AP1G1: variants seen among roughly 807,000 people sequenced by gnomAD.
The protein encoded by AP1G1 is AP-1 complex subunit gamma-1.
A neutral mutation model predicts 108.3 loss-of-function variants in AP1G1; 7 were observed. The observed-to-expected ratio is 0.06, with a 90% CI of 0.04 to 0.12. The LOEUF is 0.12. Among genes scored for constraint, AP1G1 ranks in the 10% least tolerant of loss-of-function variants. The pLI is 1.00. For synonymous variants in AP1G1, 379 were observed against 353.5 expected, an observed-to-expected ratio of 1.07 and a Z score of -0.81; for missense variants, 756 against 1,010.7, an observed-to-expected ratio of 0.75 and a Z score of 3.42.
chr16:71,767,047 C>T (rs1476335589), intron 6 of AP1G1, among the ~76,000 whole-genome samples: 1 of 152,160 alleles, frequency 6.6e-6, no homozygotes, highest in Non-Finnish European at 1.5e-5. Context: ...TTACATACTT[C>T]CCAATGGTCT....
chr16:71,780,080 G>A (rs1055565888), intron 2 of AP1G1, among the ~76,000 whole-genome samples: 2 of 144,448 alleles, frequency 1.4e-5, no homozygotes, highest in South Asian at 2.2e-4. Context: ...TGCAACCTCT[G>A]CCTCCTGGGT....
chr16:71,792,079 C>T (rs2032423338), intron 1 of AP1G1, among the ~76,000 whole-genome samples: 1 of 151,980 alleles, frequency 6.6e-6, no homozygotes, highest in Non-Finnish European at 1.5e-5. Context: ...AACTCTTATA[C>T]AAGGGATGGC....
In AP1G1 at chr16:71,739,024, C is replaced by T. The variant is rs775506298; in HGVS notation, c.2186G>A (p.Ser729Asn). 9 of 1,614,030 alleles carry T rather than the reference C, an allele frequency of 5.6e-6. No individual in the cohort carries two copies. The highest frequency in any genetic ancestry group is 2.2e-5 in the East Asian group (1 of 44,896). Reference sequence around the variant, plus strand: ...GGCCTGTATCGTTATCACTGTTACACTGGGGTTGGTATTTGACCGTTCAAA... The same window carrying T: ...GGCCTGTATCGTTATCACTGTTACATTGGGGTTGGTATTTGACCGTTCAAA... ...FTFERSNTNP[S>N]VTVITIQASN... Residue 729 changes from serine (S) to asparagine (N), a missense_variant, in exon 21 of 23, where the codon AGT (serine) becomes AAT (asparagine). By Grantham distance (46) the Ser-to-Asn change is conservative (BLOSUM62 1). Around this residue, in one of 3 missense-constraint regions of AP1G1, gnomAD observed 95 missense variants for 160.5 expected, o/e 0.59. Transcript: ENST00000299980.
At chr16:71,735,699 ATACTGTACTACG>A (rs2045526599) in intron 21 of AP1G1, among the ~76,000 whole-genome samples, 1 of 152,078 alleles carries the variant, frequency 6.6e-6, no homozygotes, top group Non-Finnish European at 1.5e-5. Flanking sequence ...TAGGTAAACC[ATACTGTACTACG>A]TAGCTATTGT....
intron 2 of AP1G1, among the ~76,000 whole-genome samples, chr16:71,779,076 A>C (rs1417842976): frequency 6.6e-6 from 1 of 152,184 alleles, no homozygotes; most frequent in Non-Finnish European, 1.5e-5. Flanking sequence ...AATTAATGGA[A>C]AACTTTTACT....
Position 71,732,818 on chromosome 16 carries a change from G to A in AP1G1, c.*240C>T. 2.4e-6 allele frequency: 1 copy of A among 414,982 alleles called. No individual in the cohort carries two copies. Among genetic ancestry groups the A allele is most frequent in the Non-Finnish European group, 4.3e-6 (1 of 231,474 alleles). 25.7% of individuals were successfully genotyped at this position (414,982 alleles called of 1,614,324 possible). On this transcript the variant is annotated 3_prime_UTR_variant, in exon 23 of 23. Transcript: ENST00000299980. ...GGAGGGGTGGAGAAGTGCGGAAAAA[G>A]GAGAAGAGGAAGAGTGCAAAGTAGC...
intron 8 of AP1G1, 70 bp downstream of exon 8, chr16:71,764,576 T>A: frequency 7.4e-7 from 1 of 1,342,882 alleles, no homozygotes. Context: ...AACTGCTCCA[T>A]ATAACCATAA....
At chr16:71,743,301 A>G (rs1290545252) in intron 19 of AP1G1, 1 of 118,204 alleles carries the variant, frequency 8.5e-6, no homozygotes, top group Non-Finnish European at 1.9e-5. Context: ...CTGTATTAGG[A>G]AAAAAAAAAA....
intron 3 of AP1G1, among the ~76,000 whole-genome samples, chr16:71,773,575 T>G (rs1382672308): frequency 6.6e-6 from 1 of 152,136 alleles, no homozygotes; most frequent in African/African-American, 2.4e-5. Flanking sequence ...AGCCAATGTT[T>G]CCAGGTACCA....
At chr16:71,766,290 T>C (rs983835678) in intron 6 of AP1G1, 2 of 227,510 alleles carry the variant, frequency 8.8e-6, no homozygotes, top group Non-Finnish European at 1.9e-5. Flanking sequence ...CTTTATGGCC[T>C]GTTTTCTTGT....
At chr16:71,756,254 A>G in intron 11 of AP1G1, 95 bp from the exon 12 acceptor site, 1 of 1,152,262 alleles carries the variant, frequency 8.7e-7, no homozygotes, top group Admixed American at 2.6e-5. Flanking sequence ...AAGTACTGCC[A>G]GATGTGCTGA....
intron 9 of AP1G1, among the ~76,000 whole-genome samples, chr16:71,763,575 A>G (rs1039841333): frequency 1.3e-5 from 2 of 152,244 alleles, no homozygotes; most frequent in African/African-American, 4.8e-5. Flanking sequence ...TGAATTTGGA[A>G]GTGGCTCCAA....
intron 1 of AP1G1, among the ~76,000 whole-genome samples, chr16:71,793,434 G>A (rs1420575699): frequency 6.6e-6 from 1 of 152,042 alleles, no homozygotes; most frequent in Admixed American, 6.6e-5. Context: ...GGAGGAGGGT[G>A]GACCCAGGAG....
At position 71,808,322 on chromosome 16, in the gene AP1G1, G is replaced by A. The variant is rs1036964735; in HGVS notation, c.-4+441C>T. The A allele has an allele frequency of 1.0e-5, 8 of 763,768 alleles. No homozygotes were observed. In the African/African-American group the frequency reaches 1.3e-4, roughly 12 times the overall value. The allele number at this position is 763,768 out of a possible 1,614,324, so 47.3% of individuals were successfully genotyped here. ...CTGCAGGGGCAGGCAGCGATTAACTGGGCATTTGGATATGCTGGGAGTTAT... is the reference window on the plus strand; with the variant it reads ...CTGCAGGGGCAGGCAGCGATTAACTAGGCATTTGGATATGCTGGGAGTTAT... On this transcript the variant is annotated intron_variant, in intron 1 of 22. Coordinates refer to ENST00000299980, the MANE Select transcript of AP1G1 (RefSeq NM_001128.6).
At chr16:71,749,747 T>C in intron 15 of AP1G1, 147 bp downstream of exon 15, 1 of 678,548 alleles carries the variant, frequency 1.5e-6, no homozygotes, top group South Asian at 1.7e-5. Flanking sequence ...CATCTCAGCC[T>C]CCCAAAGCGC....
At chr16:71,783,843 G>C (rs2032109294) in intron 2 of AP1G1, among the ~76,000 whole-genome samples, 1 of 152,100 alleles carries the variant, frequency 6.6e-6, no homozygotes, top group Admixed American at 6.6e-5. Context: ...TGTACTGGCA[G>C]AAACAATTTT....
chr16:71,783,018 T>C (rs988021133), intron 2 of AP1G1, among the ~76,000 whole-genome samples: 49 of 152,204 alleles, frequency 3.2e-4, no homozygotes, highest in Non-Finnish European at 1.0e-4. Flanking sequence ...GGATAGCTCA[T>C]TGCTTCTGGT....
intron 21 of AP1G1, among the ~76,000 whole-genome samples, chr16:71,736,554 ATTTATTTAT>A (rs2045546552): frequency 4.0e-5 from 1 of 25,260 alleles, no homozygotes; most frequent in Non-Finnish European, 9.1e-5. Context: ...CTAATTTATT[ATTTATTTAT>A]TTATTTATTT....
intron 2 of AP1G1, among the ~76,000 whole-genome samples, chr16:71,776,764 G>A (rs1302979631): frequency 2.0e-5 from 3 of 152,052 alleles, no homozygotes; most frequent in Non-Finnish European, 4.4e-5. Context: ...AGGGTCAAGT[G>A]TGGTTTTTTT....
Sources: allele counts gnomAD v4.1 joint callset (sites outside exome capture counted in the v4.1 genomes callset), GRCh38; gene constraint gnomAD v4.1.1; regional missense constraint gnomAD v4.1.1; transcripts MANE v1.5; gene names NCBI Gene and HGNC (gene_info 2026-07-23, HGNC 2026-07-21).